GABRG3: variants seen among roughly 807,000 people sequenced by gnomAD.
GABRG3 encodes the protein gamma-aminobutyric acid receptor subunit gamma-3.
A neutral mutation model predicts 48.8 loss-of-function variants in GABRG3; 25 were observed. The observed-to-expected ratio is 0.51, with a 90% confidence interval of 0.37 to 0.72. The LOEUF is 0.72. GABRG3 is among the 30% of genes least tolerant of loss of function. GABRG3 has a pLI of 0.00. For missense variants in GABRG3, 394 were observed against 577.9 expected, an observed-to-expected ratio of 0.68 and a Z score of 3.26; for synonymous variants, 227 against 217.6, an observed-to-expected ratio of 1.04 and a Z score of -0.38.
intron 3 of GABRG3, among the ~76,000 whole-genome samples, chr15:27,163,390 A>T (rs781169258): frequency 2.6e-5 from 4 of 151,878 alleles, no homozygotes; most frequent in Non-Finnish European, 5.9e-5. Context: ...ATTTTTTTGT[A>T]TAGATAGGGT....
At chr15:27,191,129 G>A (rs1888286223) in intron 3 of GABRG3, among the ~76,000 whole-genome samples, 1 of 152,132 alleles carries the variant, frequency 6.6e-6, no homozygotes, top group Non-Finnish European at 1.5e-5. Flanking sequence ...CATTTGCTGA[G>A]GAGAGCTTTA....
At chr15:27,257,170 T>C (rs1890645692) in intron 3 of GABRG3, among the ~76,000 whole-genome samples, 1 of 152,120 alleles carries the variant, frequency 6.6e-6, no homozygotes, top group Non-Finnish European at 1.5e-5. Flanking sequence ...ATTAGTGGTA[T>C]GGATCATTTT....
chr15:27,295,282 G>T (rs116664979), intron 3 of GABRG3: 1 of 152,162 alleles, frequency 6.6e-6, no homozygotes, highest in Non-Finnish European at 1.5e-5. Context: ...GAGTGGGAAA[G>T]TACATGGTTG....
At chr15:27,124,959 C>A (rs540026754) in intron 3 of GABRG3, among the ~76,000 whole-genome samples, 5 of 152,206 alleles carry the variant, frequency 3.3e-5, no homozygotes, top group Admixed American at 6.5e-5. Flanking sequence ...AAAACCTCAG[C>A]GCACTCTGGT....
chr15:27,361,991 T>C (rs1374647591), intron 5 of GABRG3, among the ~76,000 whole-genome samples: 1 of 152,218 alleles, frequency 6.6e-6, no homozygotes, highest in Non-Finnish European at 1.5e-5. Context: ...TAAAAATTAA[T>C]ATATACATGT....
At chr15:27,081,832 A>G (rs1461473370) in intron 3 of GABRG3, among the ~76,000 whole-genome samples, 1 of 152,196 alleles carries the variant, frequency 6.6e-6, no homozygotes, top group Non-Finnish European at 1.5e-5. Context: ...CCGTATGGGT[A>G]TGACATCGAT....
intron 5 of GABRG3, among the ~76,000 whole-genome samples, chr15:27,350,939 G>A (rs1319236801): frequency 6.6e-6 from 1 of 151,312 alleles, no homozygotes; most frequent in Non-Finnish European, 1.5e-5. Context: ...TGTGTATCGT[G>A]TGTGTATGCT....
intron 3 of GABRG3, among the ~76,000 whole-genome samples, chr15:27,028,509 G>A (rs1326782465): frequency 6.6e-6 from 1 of 152,104 alleles, no homozygotes; most frequent in African/African-American, 2.4e-5. Flanking sequence ...TATTTCATGA[G>A]ATTTGTTCAA....
intron 3 of GABRG3, among the ~76,000 whole-genome samples, chr15:27,131,607 G>C (rs956304989): frequency 6.6e-6 from 1 of 151,738 alleles, no homozygotes; most frequent in Non-Finnish European, 1.5e-5. Context: ...GAGGATAATT[G>C]GTATTAATTC....
At chr15:27,052,973 G>T (rs762396092) in intron 3 of GABRG3, among the ~76,000 whole-genome samples, 1 of 152,174 alleles carries the variant, frequency 6.6e-6, no homozygotes, top group Non-Finnish European at 1.5e-5. Context: ...GCGGAAGAAT[G>T]AAACTGGACC....
chr15:27,174,573 C>CTCTCTCTCG (rs1491405559), intron 3 of GABRG3, among the ~76,000 whole-genome samples: 65 of 144,442 alleles, frequency 4.5e-4, no homozygotes, highest in African/African-American at 1.6e-3. Context: ...CAGTGACTGC[C>CTCTCTCTCG]TCTCTCTCTC....
At chr15:27,298,229 G>C (rs1199184050) in intron 3 of GABRG3, among the ~76,000 whole-genome samples, 1 of 152,178 alleles carries the variant, frequency 6.6e-6, no homozygotes, top group Non-Finnish European at 1.5e-5. Flanking sequence ...GCACACATTA[G>C]ATTCAGGAAT....
chr15:27,445,782 A>G (rs1388883925), intron 5 of GABRG3, among the ~76,000 whole-genome samples: 1 of 152,138 alleles, frequency 6.6e-6, no homozygotes, highest in African/African-American at 2.4e-5. Flanking sequence ...AAAGTTTTGC[A>G]GTACCAGTTA....
At chr15:27,054,393 C>T (rs530337019) in intron 3 of GABRG3, among the ~76,000 whole-genome samples, 39 of 152,140 alleles carry the variant, frequency 2.6e-4, no homozygotes, top group Admixed American at 4.6e-4. Flanking sequence ...CAAACCTGCA[C>T]GTGTACCCCC....
intron 3 of GABRG3, among the ~76,000 whole-genome samples, chr15:27,107,215 A>G (rs1362832003): frequency 2.0e-5 from 3 of 152,028 alleles, no homozygotes. Context: ...TACTTTTACT[A>G]TATTGAGAAT....
chr15:27,532,502 A>G lies in GABRG3; in HGVS notation c.1123-98A>G, dbSNP rs1891447601. The G allele has an allele frequency of 6.0e-6, 7 of 1,157,348 alleles. No individual in the cohort carries two copies. The South Asian group carries it at 6.1e-5, about 10-fold the overall frequency. The allele number at this position is 1,157,348 out of a possible 1,614,324, so 71.7% of individuals were successfully genotyped here. ...GCACACCCACGCATCCTCTTTATCT[A>G]TAGGAGACAGATGTAATATGGACCT... is the stretch of plus-strand genomic sequence containing the variant. On this transcript the variant is annotated intron_variant, in intron 9 of 9. Coordinates refer to ENST00000615808, the MANE Select transcript of GABRG3 (RefSeq NM_033223.5).
At chr15:27,073,805 G>T (rs750519089) in intron 3 of GABRG3, among the ~76,000 whole-genome samples, 1 of 152,144 alleles carries the variant, frequency 6.6e-6, no homozygotes, top group Non-Finnish European at 1.5e-5. Context: ...GCCCTGGCTG[G>T]GTTTCCATCT....
intron 3 of GABRG3, among the ~76,000 whole-genome samples, chr15:27,259,833 G>A (rs1354190061): frequency 6.6e-6 from 1 of 152,242 alleles, no homozygotes; most frequent in Admixed American, 6.5e-5. Flanking sequence ...ATCCACATAT[G>A]GGGAAGATCA....
chr15:27,382,876 G>C (rs1317440127), intron 5 of GABRG3, among the ~76,000 whole-genome samples: 1 of 152,156 alleles, frequency 6.6e-6, no homozygotes, highest in Non-Finnish European at 1.5e-5. Context: ...CTGGAGCTTT[G>C]CTTGGGGAAT....
Sources: allele counts gnomAD v4.1 joint callset (sites outside exome capture counted in the v4.1 genomes callset), GRCh38; gene constraint gnomAD v4.1.1; transcripts MANE v1.5; gene names NCBI Gene and HGNC (gene_info 2026-07-23, HGNC 2026-07-21).